NKPD1: variants seen among roughly 807,000 people sequenced by gnomAD.
The protein encoded by NKPD1 is NTPase KAP family P-loop domain containing 1.
Under a neutral mutation model 42.2 loss-of-function variants are expected in NKPD1, and 37 were observed. The observed-to-expected ratio is 0.88, with a 90% CI of 0.67 to 1.15. The LOEUF is 1.15. Ranked by LOEUF, NKPD1 falls within the 50% of genes most tolerant of loss-of-function variation. The probability of loss-of-function intolerance (pLI) is 0.00; values close to 1 mark genes in which losing one functional copy is unlikely to be tolerated. For synonymous variants in NKPD1, 552 were observed against 536.5 expected, an observed-to-expected ratio of 1.03 and a Z score of -0.40; for missense variants, 1,113 against 1,174.6, an observed-to-expected ratio of 0.95 and a Z score of 0.77.
intron 3 of NKPD1, among the ~76,000 whole-genome samples, chr19:45,157,193 T>C (rs1968919238): frequency 1.3e-5 from 2 of 152,216 alleles, no homozygotes; most frequent in Admixed American, 1.3e-4. Context: ...TAGCCCATTC[T>C]CCTGGAGATC....
rs765766146 is a variant in NKPD1 at position 45,158,924 on chromosome 19, G to T, written c.268C>A (p.Pro90Thr). The change falls in exon 3 of 5, where the codon CCC (proline) becomes ACC (threonine). Residue 90 changes from proline (P) to threonine (T), a missense_variant. Pro to Thr is a conservative substitution (Grantham distance 38, BLOSUM62 -1). Around this residue, in one of 3 missense-constraint regions of NKPD1, gnomAD observed 204 missense variants for 227.8 expected, o/e 0.90. Transcript: ENST00000686631. This position sits in a 1 kb window ranked among gnomAD's most constrained non-coding sequence, Gnocchi z 4.6. The stretch of plus-strand genomic sequence containing the variant: ...TGCCGCAGGGGGCTGGGAGGTGAGG[G>T]CTGGGACTGGGGCTGCCGCTGCTGC... The part of the protein sequence containing the change: ...LQQQRQPQSQ[P>T]SPPSPLRQRL... The T allele has an allele frequency of 5.4e-6, 7 of 1,298,734 alleles. No individual in the cohort carries two copies. The East Asian group carries it at 3.4e-4, about 62-fold the overall frequency. The allele number at this position is 1,298,734 out of a possible 1,614,324, so 80.5% of individuals were successfully genotyped here. A position where few individuals can be genotyped will look rare whatever the true frequency, so the allele number is the denominator to read the frequency against.
chr19:45,153,884 G>C (rs974667065), intron 4 of NKPD1, 109 bp from the exon 5 acceptor site: 1 of 1,151,784 alleles, frequency 8.7e-7, no homozygotes, highest in African/African-American at 1.6e-5. Flanking sequence ...GCGCCCAGCA[G>C]AGGCGAGGGG....
chr19:45,161,770 C>T (rs902066640), upstream of NKPD1, among the ~76,000 whole-genome samples: 1 of 152,230 alleles, frequency 6.6e-6, no homozygotes, highest in African/African-American at 2.4e-5. Context: ...CTGAAGGCCC[C>T]TCGGCTCTCT....
Position 45,151,403 on chromosome 19 carries a change from T to C in NKPD1, c.*535A>G. Reference sequence around the variant, plus strand: ...GGTCATCCTCAGAAATGCCAGCCCCTGCCCTACTCACAGAGGGGCAAGCTA... The same window carrying C: ...GGTCATCCTCAGAAATGCCAGCCCCCGCCCTACTCACAGAGGGGCAAGCTA... On this transcript the variant is annotated 3_prime_UTR_variant, in exon 5 of 5. Coordinates refer to ENST00000686631, the MANE Select transcript of NKPD1 (RefSeq NM_198478.4). 1 of 152,820 alleles carries C rather than the reference T, an allele frequency of 6.5e-6. No individual in the cohort carries two copies. The highest frequency in any genetic ancestry group is 1.5e-5 in the Non-Finnish European group (1 of 68,396). The allele number at this position is 152,820 out of a possible 1,614,324, so 9.5% of individuals were successfully genotyped here. A position where few individuals can be genotyped will look rare whatever the true frequency, so the allele number is the denominator to read the frequency against.
chr19:45,154,476 G>C (rs1297928695), intron 4 of NKPD1, among the ~76,000 whole-genome samples: 2 of 152,222 alleles, frequency 1.3e-5, no homozygotes, highest in Non-Finnish European at 2.9e-5. Flanking sequence ...GTCACAGAGT[G>C]AATGAGCGGG....
intron 4 of NKPD1, 42 bp downstream of exon 4, chr19:45,155,743 T>C (rs1330868371): frequency 7.8e-7 from 1 of 1,279,406 alleles, no homozygotes; most frequent in East Asian, 5.7e-5. Flanking sequence ...CCAGAGGCCC[T>C]GTTTCTCATC....
chr19:45,152,107 G>T lies in NKPD1; in HGVS notation c.2330C>A (p.Pro777His). Residue 777 changes from proline (P) to histidine (H), a missense_variant, in exon 5 of 5, where the codon CCC (proline) becomes CAC (histidine). Pro to His is a moderately conservative substitution (Grantham distance 77). Coordinates refer to ENST00000686631, the MANE Select transcript of NKPD1 (RefSeq NM_198478.4). Reference protein sequence around the residue: ...SPPKSPTRDTPHAAHRANSAS... With the variant: ...SPPKSPTRDTHHAAHRANSAS... ...GCTGTTGGCCCGGTGGGCAGCGTGG[G>T]GGGTATCGCGGGTAGGGGACTTGGG... 2 of 1,605,106 alleles carry T rather than the reference G, an allele frequency of 1.2e-6. No homozygotes were observed. Among genetic ancestry groups the T allele is most frequent in the South Asian group, 1.1e-5 (1 of 90,338 alleles).
Position 45,153,276 on chromosome 19 carries a change from C to CA in NKPD1, c.1160dup (p.Ser388ValfsTer31). On this transcript the variant is annotated frameshift_variant, in exon 5 of 5. Transcript: ENST00000686631. LOFTEE classifies it high-confidence loss of function. ...CGGCCATGAGCAGCCCCGAGCCCGA[C>CA]AGTGTGGTGGCCGCGCCGCCAAACA... 1 of 1,599,336 alleles carries CA rather than the reference C, an allele frequency of 6.3e-7. No individual in the cohort carries two copies. Among genetic ancestry groups the CA allele is most frequent in the East Asian group, 2.3e-5 (1 of 44,122 alleles).
intron 3 of NKPD1, among the ~76,000 whole-genome samples, chr19:45,157,729 T>TC (rs1183070328): frequency 7.3e-6 from 1 of 137,378 alleles, no homozygotes; most frequent in Non-Finnish European, 1.6e-5. Flanking sequence ...CTTTTTTTTT[T>TC]TTTTTTTTTT....
At chr19:45,159,606 C>T (rs1009625107) in intron 2 of NKPD1, among the ~76,000 whole-genome samples, 2 of 152,096 alleles carry the variant, frequency 1.3e-5, no homozygotes, top group Non-Finnish European at 2.9e-5. Flanking sequence ...CTCCAGCCCT[C>T]GCCCTAGCCC....
intron 3 of NKPD1, among the ~76,000 whole-genome samples, chr19:45,157,771 C>G (rs985879715): frequency 2.9e-5 from 4 of 139,034 alleles, no homozygotes; most frequent in African/African-American, 1.1e-4. Context: ...GTCACCCAGG[C>G]TGGAGTGCAG....
chr19:45,155,118 G>A (rs139546651), intron 4 of NKPD1, among the ~76,000 whole-genome samples: 206 of 150,818 alleles, frequency 1.4e-3, no homozygotes, highest in Non-Finnish European at 2.2e-3. Flanking sequence ...TCAAGAGATC[G>A]AGACCATCTG....
Position 45,151,579 on chromosome 19 carries a change from T to G in NKPD1, c.*359A>C. 1 of 210,444 alleles carries G rather than the reference T, an allele frequency of 4.8e-6. No individual in the cohort carries two copies. Among genetic ancestry groups the G allele is most frequent in the Non-Finnish European group, 9.4e-6 (1 of 106,788 alleles). 13.0% of individuals were successfully genotyped at this position (210,444 alleles called of 1,614,324 possible). A position where few individuals can be genotyped will look rare whatever the true frequency, so the allele number is the denominator to read the frequency against. On this transcript the variant is annotated 3_prime_UTR_variant, in exon 5 of 5. Transcript: ENST00000686631. ...GAGATGCCAGATGAGGAGGCCAGCA[T>G]GGTGCAGAGGAGTAAGTGGGCTTAG...
In NKPD1 at chr19:45,152,802, C is replaced by T; in HGVS notation, c.1635G>A (p.Val545=). 1 of 1,601,658 alleles carries T rather than the reference C, an allele frequency of 6.2e-7. No individual in the cohort carries two copies. Among genetic ancestry groups the T allele is most frequent in the Non-Finnish European group, 8.5e-7 (1 of 1,173,792 alleles). The change falls in exon 5 of 5, where the codon GTG becomes GTA. Residue 545 remains valine (V), a synonymous_variant. Coordinates refer to ENST00000686631, the MANE Select transcript of NKPD1 (RefSeq NM_198478.4). ...RTKLQFLHDA[V]QSRDDLLYRE... is the part of the protein sequence containing the mutation. ...GGTACAACAGGTCGTCGCGGCTCTG[C>T]ACCGCATCGTGCAGGAACTGCAGCT...
chr19:45,160,697 T>C (rs928147293), intron 1 of NKPD1, among the ~76,000 whole-genome samples: 23 of 150,964 alleles, frequency 1.5e-4, no homozygotes, highest in African/African-American at 5.4e-4. Context: ...GGAGGGGGAA[T>C]TGTGAGGGAG....
At position 45,150,971 on chromosome 19, in the gene NKPD1, C is replaced by CCAGT. The variant is rs1968766144; in HGVS notation, c.*966_*967insACTG. On this transcript the variant is annotated 3_prime_UTR_variant, in exon 5 of 5. Coordinates refer to ENST00000686631, the MANE Select transcript of NKPD1 (RefSeq NM_198478.4). Reference sequence around the variant, plus strand: ...GGCCCCTGCCGGCACACACTTGGAACTGGGCCAGGCACCCCAGGGCCTGAG... The same window carrying CCAGT: ...GGCCCCTGCCGGCACACACTTGGAACCAGTTGGGCCAGGCACCCCAGGGCCTGAG... 6.6e-6 allele frequency: 1 copy of CCAGT among 152,396 alleles called. No homozygotes were observed. Among genetic ancestry groups the CCAGT allele is most frequent in the African/African-American group, 2.4e-5 (1 of 41,472 alleles). 9.4% of individuals were successfully genotyped at this position (152,396 alleles called of 1,614,324 possible). A position where few individuals can be genotyped will look rare whatever the true frequency, so the allele number is the denominator to read the frequency against.
In NKPD1 at chr19:45,158,401, G is replaced by C. The variant is rs1235490154; in HGVS notation, c.529+262C>G. On this transcript the variant is annotated intron_variant, in intron 3 of 4. Coordinates refer to ENST00000686631, the MANE Select transcript of NKPD1 (RefSeq NM_198478.4). This position sits in a 1 kb window ranked among gnomAD's most constrained non-coding sequence, Gnocchi z 4.6. The stretch of plus-strand genomic sequence containing the variant: ...GAGCCAGGGTGTCGGCAGAGGGAAA[G>C]GGGGAAGGAGAGGGAGGCCTTCACT... 6.6e-6 allele frequency among the ~76,000 whole-genome samples: 1 copy of C among 152,270 alleles called. No individual in the cohort carries two copies. Among genetic ancestry groups the C allele is most frequent in the African/African-American group, 2.4e-5 (1 of 41,478 alleles).
In NKPD1 at chr19:45,150,931, A is replaced by G. The variant is rs1300923425; in HGVS notation, c.*1007T>C. ...CTCAGCCTCATCCCAGGGTATGTTC[A>G]GTGTTGGCCCTTGTGGCCCCTGCCG... On this transcript the variant is annotated 3_prime_UTR_variant, in exon 5 of 5. Transcript: ENST00000686631. The G allele has an allele frequency of 1.3e-5, 2 of 152,266 alleles. No homozygotes were observed. The highest frequency in any genetic ancestry group is 2.9e-5 in the Non-Finnish European group (2 of 68,084). 9.4% of individuals were successfully genotyped at this position (152,266 alleles called of 1,614,324 possible). A position where few individuals can be genotyped will look rare whatever the true frequency, so the allele number is the denominator to read the frequency against.
At chr19:45,161,301 C>T (rs976906820), upstream of NKPD1, among the ~76,000 whole-genome samples, 1 of 152,188 alleles carries the variant, frequency 6.6e-6, no homozygotes, top group Non-Finnish European at 1.5e-5. Context: ...CTTCACTCTC[C>T]GAGCCATGGC....
Sources: gnomAD v4.1 joint callset for allele counts (sites outside exome capture counted in the v4.1 genomes callset) on GRCh38, gnomAD v4.1.1 for gene constraint, gnomAD v4.1.1 regional missense constraint, Gnocchi (gnomAD v3.1) non-coding constraint, MANE v1.5 for transcripts, NCBI Gene and HGNC (gene_info 2026-07-23, HGNC 2026-07-21) for gene names.